Variants in PALLD observed in about 807,000 individuals in gnomAD.
PALLD encodes palladin, cytoskeletal associated protein.
A neutral mutation model predicts 123.5 loss-of-function variants in PALLD; 61 were observed. The ratio of observed to expected loss-of-function variants is 0.49; its 90% CI spans 0.40 to 0.61. The LOEUF is 0.61. Among genes scored for constraint, PALLD ranks in the 20% least tolerant of loss-of-function variants. The pLI, the probability that PALLD is intolerant of heterozygous loss-of-function variation, is 0.00. For missense variants in PALLD, 1,273 were observed against 1,377.0 expected (o/e 0.92, Z 1.20); for synonymous variants, 465 against 496.4 (o/e 0.94, Z 0.84).
intron 10 of PALLD, among the ~76,000 whole-genome samples, chr4:168,834,731 C>T (rs1458020235): frequency 6.6e-6 from 1 of 151,822 alleles, no homozygotes; most frequent in Admixed American, 6.6e-5. Context: ...AGCGAGACTC[C>T]ATCTAAAAAT....
At chr4:168,516,919 A>G (rs1235473011) in intron 2 of PALLD, among the ~76,000 whole-genome samples, 3 of 152,212 alleles carry the variant, frequency 2.0e-5, no homozygotes, top group Non-Finnish European at 2.9e-5. Flanking sequence ...ATCATGGTCA[A>G]TCAACAGAAA....
At position 168,782,754 on chromosome 4, in the gene PALLD, A is replaced by AT. The variant is rs375064319; in HGVS notation, c.1964+70831_1964+70832insT. On this transcript the variant is annotated intron_variant, in intron 10 of 21. Transcript: ENST00000505667. ...TGAAATCCTGTCTTTACTAAAAAAA[A>AT]AAATAAAAAAATTAGCTTGGCATGA... Among the ~76,000 whole-genome samples, 355 of 149,684 alleles carry AT rather than the reference A, an allele frequency of 2.4e-3. 2 individuals carry two copies. The highest frequency in any genetic ancestry group is 8.0e-3 in the African/African-American group (331 of 41,394).
rs190284369 is a variant in PALLD, at chr4:168,846,112, A to G, written c.1965-44810A>G. Among the ~76,000 whole-genome samples, 5 of 152,330 alleles carry G rather than the reference A, an allele frequency of 3.3e-5. No homozygotes were observed. The East Asian group carries it at 9.7e-4, about 29-fold the overall frequency. On this transcript the variant is annotated intron_variant, in intron 10 of 21. Coordinates refer to ENST00000505667, the MANE Select transcript of PALLD (RefSeq NM_001166108.2). ...CCTCTTCTCTAATATGCATTCAACCATGCATGTACAAATATTGACTTGTCC... is the reference window on the plus strand; with the variant it reads ...CCTCTTCTCTAATATGCATTCAACCGTGCATGTACAAATATTGACTTGTCC...
At position 168,668,193 on chromosome 4, in the gene PALLD, G is replaced by A; in HGVS notation, c.912G>A (p.Trp304Ter). 1 of 1,613,720 alleles carries A rather than the reference G, an allele frequency of 6.2e-7. No homozygotes were observed. The highest frequency in any genetic ancestry group is 1.1e-5 in the South Asian group (1 of 91,076). The change falls in exon 3 of 22, where the codon TGG (tryptophan) becomes TGA (stop). Residue 304 changes from tryptophan to a stop codon, truncating the protein, a stop_gained. Transcript: ENST00000505667. LOFTEE classifies it high-confidence loss of function. ...VTGNPTPRVR[W>*]FCEGKELHNT... Reference sequence around the variant, plus strand: ...TTGACCTCCATTTGGCCTGCAGATGGTTCTGTGAAGGGAAAGAACTGCACA... The same window carrying A: ...TTGACCTCCATTTGGCCTGCAGATGATTCTGTGAAGGGAAAGAACTGCACA...
At chr4:168,891,889 C>G (rs1560867501) in intron 11 of PALLD, among the ~76,000 whole-genome samples, 1 of 152,102 alleles carries the variant, frequency 6.6e-6, no homozygotes, top group Non-Finnish European at 1.5e-5. Context: ...AAGTTCTGTT[C>G]TTTTCTCCCA....
chr4:168,552,618 A>G (rs1476533237), intron 2 of PALLD, among the ~76,000 whole-genome samples: 3 of 152,078 alleles, frequency 2.0e-5, no homozygotes, highest in African/African-American at 7.2e-5. Context: ...AAATTGTTAT[A>G]TATTCCTATG....
chr4:168,841,542 TGAG>T (rs1178973661), intron 10 of PALLD, among the ~76,000 whole-genome samples: 1 of 152,138 alleles, frequency 6.6e-6, no homozygotes, highest in African/African-American at 2.4e-5. Context: ...GGCTGGCAGT[TGAG>T]GAGAAAATGC....
chr4:168,498,351 G>A (rs577917420), intron 1 of PALLD, among the ~76,000 whole-genome samples: 1 of 152,264 alleles, frequency 6.6e-6, no homozygotes, highest in South Asian at 2.1e-4. Flanking sequence ...GTTATTGCTA[G>A]AGCTGAATAT....
At chr4:168,880,222 A>T (rs1378943909) in intron 10 of PALLD, among the ~76,000 whole-genome samples, 1 of 152,246 alleles carries the variant, frequency 6.6e-6, no homozygotes, top group East Asian at 1.9e-4. Flanking sequence ...GCTTCTTGTC[A>T]GCATCTATCA....
At chr4:168,509,080 AG>A (rs1251705493) in intron 1 of PALLD, among the ~76,000 whole-genome samples, 1 of 152,192 alleles carries the variant, frequency 6.6e-6, no homozygotes, top group South Asian at 2.1e-4. Flanking sequence ...CTAATTCCAC[AG>A]GGGTCTATGC....
intron 15 of PALLD, among the ~76,000 whole-genome samples, chr4:168,906,805 G>A (rs1213592823): frequency 6.6e-6 from 1 of 151,190 alleles, no homozygotes; most frequent in Non-Finnish European, 1.5e-5. Context: ...TAAATTTTTA[G>A]AAAATAAATG....
chr4:168,829,951 G>A (rs1216612316), intron 10 of PALLD, among the ~76,000 whole-genome samples: 1 of 152,160 alleles, frequency 6.6e-6, no homozygotes, highest in African/African-American at 2.4e-5. Context: ...TAGGTTACAG[G>A]CCAGGTGCAG....
At position 168,878,156 on chromosome 4, in the gene PALLD, C is replaced by G. The variant is rs1474373660; in HGVS notation, c.1965-12766C>G. The G allele has an allele frequency of 6.7e-7, 1 of 1,491,914 alleles. No individual in the cohort carries two copies. The allele number at this position is 1,491,914 out of a possible 1,614,324, so 92.4% of individuals were successfully genotyped here. On this transcript the variant is annotated intron_variant, in intron 10 of 21. Coordinates refer to ENST00000505667, the MANE Select transcript of PALLD (RefSeq NM_001166108.2). ...GTGGGGCTCCTCCTCGCCGTCGCCC[C>G]CGCCCCCGCCACCCCCGGTCTTCAG... is the stretch of plus-strand genomic sequence containing the variant.
At chr4:168,734,327 C>T (rs1188709795) in intron 10 of PALLD, among the ~76,000 whole-genome samples, 1 of 151,598 alleles carries the variant, frequency 6.6e-6, no homozygotes, top group Non-Finnish European at 1.5e-5. Context: ...GTGGAGAAGC[C>T]AGCTACATCC....
In PALLD at chr4:168,750,073, G is replaced by T. The variant is rs562794078; in HGVS notation, c.1964+38150G>T. 5.9e-4 allele frequency among the ~76,000 whole-genome samples: 90 copies of T among 152,012 alleles called. 1 individual carries two copies. The highest frequency in any genetic ancestry group is 2.1e-3 in the African/African-American group (87 of 41,468). On this transcript the variant is annotated intron_variant, in intron 10 of 21. Coordinates refer to ENST00000505667, the MANE Select transcript of PALLD (RefSeq NM_001166108.2). ...GCAATTCTCCCTGCCTCAACCTCCT[G>T]AGTAGCTGGGATTACAGGCACCTGC...
intron 10 of PALLD, among the ~76,000 whole-genome samples, chr4:168,772,376 A>G (rs1397356184): frequency 6.6e-6 from 1 of 151,850 alleles, no homozygotes; most frequent in Non-Finnish European, 1.5e-5. Context: ...TTCATTGTAC[A>G]CCTCCCCTTA....
At chr4:168,656,518 T>C (rs1051857641) in intron 2 of PALLD, among the ~76,000 whole-genome samples, 1 of 152,182 alleles carries the variant, frequency 6.6e-6, no homozygotes, top group Non-Finnish European at 1.5e-5. Flanking sequence ...CAAAAAGCCA[T>C]AATATTCATT....
chr4:168,617,335 G>GA (rs1396906329), intron 2 of PALLD, among the ~76,000 whole-genome samples: 3 of 151,838 alleles, frequency 2.0e-5, no homozygotes, highest in Admixed American at 6.6e-5. Context: ...TAGACTCCAA[G>GA]AAAAAAAATG....
At chr4:168,792,177 A>C (rs1191155037) in intron 10 of PALLD, among the ~76,000 whole-genome samples, 1 of 152,150 alleles carries the variant, frequency 6.6e-6, no homozygotes, top group Non-Finnish European at 1.5e-5. Context: ...CTGGTGAGGT[A>C]CACATCACTG....
Sources: allele counts gnomAD v4.1 joint callset (sites outside exome capture counted in the v4.1 genomes callset), GRCh38; gene constraint gnomAD v4.1.1; transcripts MANE v1.5; gene names NCBI Gene and HGNC (gene_info 2026-07-23, HGNC 2026-07-21).